Variants in CNTN4 observed in about 807,000 individuals in gnomAD.
The protein encoded by CNTN4 is contactin 4, also known as contactin-4.
In CNTN4, 77 loss-of-function variants were observed where a neutral mutation model predicts 122.5. That is an observed-to-expected ratio of 0.63 (90% CI 0.52 to 0.76). The LOEUF is 0.76. CNTN4 is among the 30% of genes least tolerant of loss of function. The pLI, the probability that CNTN4 is intolerant of heterozygous loss-of-function variation, is 0.00. For missense variants in CNTN4, 1,256 were observed against 1,259.1 expected, an observed-to-expected ratio of 1.00 and a Z score of 0.04; for synonymous variants, 512 against 447.0, an observed-to-expected ratio of 1.15 and a Z score of -1.83.
At chr3:2,722,235 A>C (rs2087906500) in intron 4 of CNTN4, among the ~76,000 whole-genome samples, 1 of 152,182 alleles carries the variant, frequency 6.6e-6, no homozygotes, top group African/African-American at 2.4e-5. Context: ...TATGTAAATT[A>C]CTTAATCTGC....
intron 2 of CNTN4, among the ~76,000 whole-genome samples, chr3:2,171,392 C>T (rs533016181): frequency 2.4e-4 from 37 of 152,226 alleles, no homozygotes; most frequent in Non-Finnish European, 4.6e-4. Context: ...GCATTTTTGT[C>T]TGTCTTTTGT....
chr3:2,483,201 A>G (rs1360406089), intron 3 of CNTN4, among the ~76,000 whole-genome samples: 1 of 152,298 alleles, frequency 6.6e-6, no homozygotes, highest in East Asian at 1.9e-4. Context: ...AAAGGAGATC[A>G]TTTTGGAGCT....
At chr3:2,888,363 A>G (rs1371075210) in intron 10 of CNTN4, among the ~76,000 whole-genome samples, 1 of 152,120 alleles carries the variant, frequency 6.6e-6, no homozygotes, top group Non-Finnish European at 1.5e-5. Context: ...AGCCCTTTGA[A>G]AAGACTCCAT....
chr3:2,546,579 C>T (rs899038719), intron 3 of CNTN4, among the ~76,000 whole-genome samples: 2 of 152,092 alleles, frequency 1.3e-5, no homozygotes, highest in East Asian at 1.9e-4. Flanking sequence ...AATCTGTACA[C>T]CAAACCTCCA....
At chr3:2,896,987 A>G (rs886607772) in intron 10 of CNTN4, among the ~76,000 whole-genome samples, 1 of 147,186 alleles carries the variant, frequency 6.8e-6, no homozygotes, top group Admixed American at 6.7e-5. Context: ...TAAATTTCTA[A>G]GGCCTAAGGC....
chr3:2,726,607 G>A (rs2088243157), intron 4 of CNTN4, among the ~76,000 whole-genome samples: 2 of 152,312 alleles, frequency 1.3e-5, no homozygotes, highest in African/African-American at 4.8e-5. Flanking sequence ...TCTAGCTAAA[G>A]CCAATCAATT....
At chr3:2,697,279 G>A (rs1350254936) in intron 4 of CNTN4, among the ~76,000 whole-genome samples, 1 of 152,176 alleles carries the variant, frequency 6.6e-6, no homozygotes, top group Non-Finnish European at 1.5e-5. Flanking sequence ...TCTGTGGTAT[G>A]CCTGCCCAGT....
chr3:2,674,911 G>A (rs1056619923), intron 4 of CNTN4, among the ~76,000 whole-genome samples: 19 of 152,054 alleles, frequency 1.2e-4, no homozygotes, highest in African/African-American at 4.3e-4. Context: ...GCCTCTAGTA[G>A]CCTCTATTCT....
chr3:2,311,221 G>C (rs1323013393), intron 2 of CNTN4, among the ~76,000 whole-genome samples: 1 of 152,062 alleles, frequency 6.6e-6, no homozygotes, highest in African/African-American at 2.4e-5. Context: ...GCAAGAATGA[G>C]TCATAGTCTC....
At chr3:2,509,789 T>A (rs1346465144) in intron 3 of CNTN4, among the ~76,000 whole-genome samples, 1 of 152,188 alleles carries the variant, frequency 6.6e-6, no homozygotes, top group Admixed American at 6.5e-5. Context: ...TAACTAACCA[T>A]GTGAAGAAAG....
At chr3:2,384,602 A>G (rs2046166435) in intron 3 of CNTN4, among the ~76,000 whole-genome samples, 1 of 152,194 alleles carries the variant, frequency 6.6e-6, no homozygotes, top group Non-Finnish European at 1.5e-5. Flanking sequence ...TGCCCAGCTA[A>G]ATCAGGACTT....
intron 2 of CNTN4, among the ~76,000 whole-genome samples, chr3:2,139,618 A>G (rs2034892144): frequency 6.6e-6 from 1 of 152,246 alleles, no homozygotes; most frequent in Non-Finnish European, 1.5e-5. Flanking sequence ...GGAGTGGTAG[A>G]CATAGATTAT....
chr3:2,801,302 A>T lies in CNTN4; in HGVS notation c.359-18184A>T, dbSNP rs1044571871. ...TTTCCATATAGAACTTAGTAATATCAGGGTAGCTTTTGTTAGTTTTCATTA... is the reference window on the plus strand; with the variant it reads ...TTTCCATATAGAACTTAGTAATATCTGGGTAGCTTTTGTTAGTTTTCATTA... On this transcript the variant is annotated intron_variant, in intron 6 of 24. Transcript: ENST00000418658. Among the ~76,000 whole-genome samples, 6 of 152,196 alleles carry T rather than the reference A, an allele frequency of 3.9e-5. No individual in the cohort carries two copies. The South Asian group carries it at 1.2e-3, about 31-fold the overall frequency.
chr3:2,443,735 G>T (rs1373437429), intron 3 of CNTN4, among the ~76,000 whole-genome samples: 3 of 152,120 alleles, frequency 2.0e-5, no homozygotes, highest in Non-Finnish European at 4.4e-5. Context: ...CTACAGACCA[G>T]TGCCTAGGTT....
At chr3:2,489,472 T>G (rs1479535) in intron 3 of CNTN4, among the ~76,000 whole-genome samples, 152,209 of 152,318 alleles carry the variant, frequency 1, 76,050 homozygotes, top group East Asian at 1. Context: ...TTCTTTGCCA[T>G]ATTAAACCAG....
intron 3 of CNTN4, among the ~76,000 whole-genome samples, chr3:2,368,515 C>G (rs1489508380): frequency 6.6e-6 from 1 of 152,124 alleles, no homozygotes; most frequent in Admixed American, 6.6e-5. Flanking sequence ...TTTATTTTGA[C>G]ACCCCACAAA....
At chr3:2,699,613 C>T (rs181845608) in intron 4 of CNTN4, among the ~76,000 whole-genome samples, 6 of 152,208 alleles carry the variant, frequency 3.9e-5, no homozygotes, top group Non-Finnish European at 7.4e-5. Flanking sequence ...TGTCAGGGAG[C>T]GCTTAGTGTC....
At chr3:2,819,419 TG>T in intron 6 of CNTN4, 66 bp from the exon 7 acceptor site, 1 of 1,198,998 alleles carries the variant, frequency 8.3e-7, no homozygotes, top group Non-Finnish European at 1.2e-6. Flanking sequence ...TTTGAAATAG[TG>T]GTACTCTCCC....
chr3:2,419,165 A>G (rs751409521), intron 3 of CNTN4, among the ~76,000 whole-genome samples: 2 of 152,216 alleles, frequency 1.3e-5, no homozygotes, highest in Non-Finnish European at 2.9e-5. Context: ...TTATATTCCA[A>G]TTATTGCAAG....
Sources: allele counts gnomAD v4.1 joint callset (sites outside exome capture counted in the v4.1 genomes callset), GRCh38; gene constraint gnomAD v4.1.1; transcripts MANE v1.5; gene names NCBI Gene and HGNC (gene_info 2026-07-23, HGNC 2026-07-21).